Variants in STPG2 observed in about 807,000 individuals in gnomAD.
The protein encoded by STPG2 is sperm tail PG-rich repeat containing 2.
A neutral mutation model predicts 54.2 loss-of-function variants in STPG2; 56 were observed. The observed-to-expected ratio is 1.03, with a 90% CI of 0.83 to 1.29. The LOEUF is 1.29. Among genes scored for constraint, STPG2 ranks in the 50% most tolerant of loss-of-function variants. The pLI is 0.00. For synonymous variants in STPG2, 200 were observed against 181.8 expected (o/e 1.10, Z -0.81); for missense variants, 596 against 544.9 (o/e 1.09, Z -0.93).
At chr4:97,605,714 G>C (rs1733575328) in intron 10 of STPG2, among the ~76,000 whole-genome samples, 1 of 151,100 alleles carries the variant, frequency 6.6e-6, no homozygotes, top group African/African-American at 2.4e-5. Context: ...CTGTAATCAG[G>C]TTGTATTTAT....
chr4:97,922,733 G>A (rs886958369), intron 8 of STPG2, among the ~76,000 whole-genome samples: 1 of 152,146 alleles, frequency 6.6e-6, no homozygotes, highest in African/African-American at 2.4e-5. Context: ...TGCAAGGTTA[G>A]GGGAAGAAGG....
chr4:98,029,910 A>G (rs1260790769), intron 5 of STPG2, among the ~76,000 whole-genome samples: 3 of 152,140 alleles, frequency 2.0e-5, no homozygotes, highest in Non-Finnish European at 4.4e-5. Context: ...TGCAATATAT[A>G]TTATCTCTAA....
chr4:97,527,495 T>C (rs985572010), intron 4 of STPG2, among the ~76,000 whole-genome samples: 2 of 152,160 alleles, frequency 1.3e-5, no homozygotes, highest in African/African-American at 4.8e-5. Context: ...GAATGATATA[T>C]CCTTTGATTA....
intron 10 of STPG2, among the ~76,000 whole-genome samples, chr4:97,622,509 C>T (rs1734038366): frequency 6.6e-6 from 1 of 152,064 alleles, no homozygotes; most frequent in Admixed American, 6.6e-5. Flanking sequence ...AATGTAATCC[C>T]ATTCACAATA....
chr4:97,528,101 A>T (rs1168422935), intron 4 of STPG2, among the ~76,000 whole-genome samples: 1 of 152,092 alleles, frequency 6.6e-6, no homozygotes, highest in Non-Finnish European at 1.5e-5. Flanking sequence ...CATATTCCCT[A>T]CATTTTCTTC....
intron 9 of STPG2, among the ~76,000 whole-genome samples, chr4:97,737,391 C>T (rs545713712): frequency 3.3e-5 from 5 of 152,112 alleles, no homozygotes; most frequent in Non-Finnish European, 5.9e-5. Flanking sequence ...GAGAAGAAGG[C>T]TTCAGCCGAT....
At chr4:97,881,448 T>C (rs1259317420) in intron 8 of STPG2, among the ~76,000 whole-genome samples, 1 of 152,204 alleles carries the variant, frequency 6.6e-6, no homozygotes, top group East Asian at 1.9e-4. Context: ...AAGCATTTTC[T>C]ATACTTTTGG....
intron 9 of STPG2, among the ~76,000 whole-genome samples, chr4:97,831,778 G>C (rs1207877110): frequency 6.6e-6 from 1 of 152,108 alleles, no homozygotes; most frequent in Non-Finnish European, 1.5e-5. Flanking sequence ...AGAAGAAATG[G>C]ATAAATTCCT....
chr4:97,782,172 T>C (rs1013197126), intron 9 of STPG2, among the ~76,000 whole-genome samples: 6 of 152,184 alleles, frequency 3.9e-5, no homozygotes, highest in African/African-American at 1.2e-4. Context: ...TGATTGTATA[T>C]TTAGAAAAGC....
intron 8 of STPG2, among the ~76,000 whole-genome samples, chr4:97,895,945 G>A (rs1321159566): frequency 6.6e-6 from 1 of 151,758 alleles, no homozygotes; most frequent in Non-Finnish European, 1.5e-5. Flanking sequence ...CATCAAGTGT[G>A]AACACAAGGC....
intron 10 of STPG2, among the ~76,000 whole-genome samples, chr4:97,576,913 T>C (rs1376723889): frequency 1.3e-5 from 2 of 151,880 alleles, no homozygotes; most frequent in African/African-American, 4.8e-5. Context: ...AAAAAGCAAA[T>C]AGCCTCATTA....
chr4:98,008,271 G>A (rs1735631595), intron 5 of STPG2, among the ~76,000 whole-genome samples: 1 of 150,984 alleles, frequency 6.6e-6, no homozygotes, highest in South Asian at 2.1e-4. Flanking sequence ...CAAGCTAGAA[G>A]AGATTGGGAA....
At chr4:97,452,049 T>C (rs1427672861) in intron 4 of STPG2, among the ~76,000 whole-genome samples, 1 of 148,028 alleles carries the variant, frequency 6.8e-6, no homozygotes, top group African/African-American at 2.5e-5. Flanking sequence ...CTGGGTGCCA[T>C]TGCAGCTACC....
intron 4 of STPG2, among the ~76,000 whole-genome samples, chr4:97,462,832 T>C (rs531742094): frequency 6.6e-6 from 1 of 152,266 alleles, no homozygotes; most frequent in South Asian, 2.1e-4. Flanking sequence ...TTTGCAATTT[T>C]ATTTCTTCCT....
chr4:98,031,696 A>C (rs1736605613), intron 5 of STPG2, among the ~76,000 whole-genome samples: 1 of 152,102 alleles, frequency 6.6e-6, no homozygotes, highest in African/African-American at 2.4e-5. Context: ...AAAAAAAATA[A>C]AAAATAAAAA....
At chr4:97,474,544 G>C (rs1730025331) in intron 4 of STPG2, among the ~76,000 whole-genome samples, 1 of 152,028 alleles carries the variant, frequency 6.6e-6, no homozygotes, top group Non-Finnish European at 1.5e-5. Flanking sequence ...TTGCATGTAA[G>C]GCAAATTTTC....
At chr4:97,663,204 T>G (rs1397254150) in intron 10 of STPG2, among the ~76,000 whole-genome samples, 1 of 152,174 alleles carries the variant, frequency 6.6e-6, no homozygotes, top group African/African-American at 2.4e-5. Flanking sequence ...CCAAGCATAT[T>G]TAATACTCAC....
chr4:97,757,075 A>T (rs1725752954), intron 9 of STPG2, among the ~76,000 whole-genome samples: 1 of 152,176 alleles, frequency 6.6e-6, no homozygotes, highest in African/African-American at 2.4e-5. Context: ...TTCAAGCAGT[A>T]AAAACACCAG....
chr4:97,884,584 A>C (rs1730495551), intron 8 of STPG2, among the ~76,000 whole-genome samples: 1 of 152,168 alleles, frequency 6.6e-6, no homozygotes, highest in Admixed American at 6.5e-5. Flanking sequence ...TGAGAAAATA[A>C]ATTTATTTTG....
Sources: allele counts gnomAD v4.1 joint callset (sites outside exome capture counted in the v4.1 genomes callset), GRCh38; gene constraint gnomAD v4.1.1; transcripts MANE v1.5; gene names NCBI Gene and HGNC (gene_info 2026-07-23, HGNC 2026-07-21).